UBA3: variants seen among roughly 807,000 people sequenced by gnomAD.
UBA3 encodes the protein ubiquitin like modifier activating enzyme 3, also known as NEDD8-activating enzyme E1 catalytic subunit.
In UBA3, 26 loss-of-function variants were observed where a neutral mutation model predicts 73.5. That is an observed-to-expected ratio of 0.35 (90% CI 0.26 to 0.49). UBA3 has a LOEUF of 0.49. Ranked by LOEUF, UBA3 falls within the 20% of genes least tolerant of loss-of-function variation. The pLI, the probability that UBA3 is intolerant of heterozygous loss-of-function variation, is 0.98. For missense variants in UBA3, 495 were observed against 555.6 expected, an observed-to-expected ratio of 0.89 and a Z score of 1.10; for synonymous variants, 217 against 191.2, an observed-to-expected ratio of 1.13 and a Z score of -1.11.
At chr3:69,062,340 G>A (rs570846544) in intron 9 of UBA3, among the ~76,000 whole-genome samples, 161 bp from the exon 10 acceptor site, 1 of 152,308 alleles carries the variant, frequency 6.6e-6, no homozygotes, top group Non-Finnish European at 1.5e-5. Context: ...CAGATTAACT[G>A]AGTCACTTCA....
At chr3:69,080,294 C>T in intron 1 of UBA3, 40 bp downstream of exon 1, 2 of 1,602,564 alleles carry the variant, frequency 1.2e-6, no homozygotes, top group African/African-American at 2.7e-5. Context: ...CTCTCACAAC[C>T]CAGCCCAGCC....
At chr3:69,065,221 G>GC (rs1559643693) in intron 6 of UBA3, among the ~76,000 whole-genome samples, 1 of 151,794 alleles carries the variant, frequency 6.6e-6, no homozygotes, top group Non-Finnish European at 1.5e-5. Context: ...CAAACTGAGT[G>GC]CCCCCCACTA....
In UBA3 at chr3:69,061,934, A is replaced by G. The variant is rs2092025239; in HGVS notation, c.797-7T>C. The G allele has an allele frequency of 2.7e-6, 2 of 745,420 alleles. No homozygotes were observed. The highest frequency in any genetic ancestry group is 1.9e-5 in the African/African-American group (1 of 53,070). 46.2% of individuals were successfully genotyped at this position (745,420 alleles called of 1,614,324 possible). A position where few individuals can be genotyped will look rare whatever the true frequency, so the allele number is the denominator to read the frequency against. On this transcript the variant is annotated splice_polypyrimidine_tract_variant and splice_region_variant and intron_variant, in intron 10 of 17. Coordinates refer to ENST00000361055, the MANE Select transcript of UBA3 (RefSeq NM_003968.4). ...CCATCTAATGGAACCCCTTCTGTTT[A>G]AAAAAAAAAAGGGAGAGAGAGAGAG...
intron 11 of UBA3, 168 bp downstream of exon 11, chr3:69,061,646 T>G (rs1575832882): frequency 4.0e-6 from 2 of 499,568 alleles, no homozygotes; most frequent in East Asian, 6.1e-5. Context: ...TAAGATTCAA[T>G]AATTTTATTA....
chr3:69,079,747 G>T, intron 2 of UBA3: 1 of 278,190 alleles, frequency 3.6e-6, no homozygotes, highest in Non-Finnish European at 6.7e-6. Flanking sequence ...ACGGTCTTGT[G>T]TCCTTTTCCT....
intron 6 of UBA3, among the ~76,000 whole-genome samples, chr3:69,065,359 A>T (rs1159381019): frequency 6.6e-6 from 1 of 152,094 alleles, no homozygotes; most frequent in Non-Finnish European, 1.5e-5. Flanking sequence ...GGTACCATGC[A>T]CCTTTCCCAG....
At position 69,061,831 on chromosome 3, in the gene UBA3, G is replaced by GT; in HGVS notation, c.892dup (p.Thr298AsnfsTer3). ...TGACTTACCTTGAGTGAGCCTATAC[G>GT]TAACACCCCTAATATTATATTGTGA... On this transcript the variant is annotated frameshift_variant, in exon 11 of 18. Coordinates refer to ENST00000361055, the MANE Select transcript of UBA3 (RefSeq NM_003968.4). LOFTEE classifies it high-confidence loss of function. 1 of 1,603,476 alleles carries GT rather than the reference G, an allele frequency of 6.2e-7. No individual in the cohort carries two copies. Among genetic ancestry groups the GT allele is most frequent in the Non-Finnish European group, 8.5e-7 (1 of 1,175,378 alleles).
At chr3:69,073,117 G>A (rs2107498153) in intron 4 of UBA3, among the ~76,000 whole-genome samples, 1 of 152,188 alleles carries the variant, frequency 6.6e-6, no homozygotes, top group African/African-American at 2.4e-5. Flanking sequence ...AGTAACCTAG[G>A]TGAAAAGCCA....
Position 69,061,839 on chromosome 3 carries a change from C to G in UBA3, c.885G>C (p.Arg295Ser). 1 of 1,608,010 alleles carries G rather than the reference C, an allele frequency of 6.2e-7. No homozygotes were observed. The highest frequency in any genetic ancestry group is 8.5e-7 in the Non-Finnish European group (1 of 1,177,448). Reference sequence around the variant, plus strand: ...CTTGAGTGAGCCTATACGTAACACCCCTAATATTATATTGTGATGCTCTCT... The same window carrying G: ...CTTGAGTGAGCCTATACGTAACACCGCTAATATTATATTGTGATGCTCTCT... ...SLERASQYNI[R>S]GVTYRLTQGV... Residue 295 changes from arginine (R) to serine (S), a missense_variant, in exon 11 of 18, where the codon AGG (arginine) becomes AGC (serine). Physicochemically the swap from Arg to Ser is moderately radical, Grantham distance 110 (BLOSUM62 -1). Transcript: ENST00000361055.
rs1043626584 is a variant in UBA3, at chr3:69,055,340, C to A, written c.*97G>T. On this transcript the variant is annotated 3_prime_UTR_variant, in exon 18 of 18. Coordinates refer to ENST00000361055, the MANE Select transcript of UBA3 (RefSeq NM_003968.4). ...GTTCATTATATAAAAAAAGACAAAT[C>A]GTGGCAACACTATTGCTAAAAATGA... 2 of 741,492 alleles carry A rather than the reference C, an allele frequency of 2.7e-6. No individual in the cohort carries two copies. The highest frequency in any genetic ancestry group is 4.1e-6 in the Non-Finnish European group (2 of 492,654). The allele number at this position is 741,492 out of a possible 1,614,324, so 45.9% of individuals were successfully genotyped here. A position where few individuals can be genotyped will look rare whatever the true frequency, so the allele number is the denominator to read the frequency against.
chr3:69,071,705 A>ATTG, intron 4 of UBA3, 88 bp from the exon 5 acceptor site: 1 of 753,312 alleles, frequency 1.3e-6, no homozygotes, highest in Non-Finnish European at 2.1e-6. Context: ...TTAAGTCTAC[A>ATTG]AATTCTCAGT....
At chr3:69,072,978 C>G (rs1017850305) in intron 4 of UBA3, among the ~76,000 whole-genome samples, 1 of 152,204 alleles carries the variant, frequency 6.6e-6, no homozygotes, top group African/African-American at 2.4e-5. Context: ...CCTGTCACCA[C>G]ATCCAATGCT....
intron 15 of UBA3, 22 bp downstream of exon 15, chr3:69,056,138 CACAAAAATGATTTTTACAACATA>C: frequency 1.3e-6 from 2 of 1,557,902 alleles, no homozygotes; most frequent in Non-Finnish European, 1.7e-6. Flanking sequence ...TTTCAAAAAT[CACAAAAATGATTTTTACAACATA>C]ACAAAAATCT....
intron 2 of UBA3, 47 bp downstream of exon 2, chr3:69,080,065 G>T: frequency 1.3e-6 from 2 of 1,582,444 alleles, no homozygotes; most frequent in Non-Finnish European, 1.7e-6. Context: ...GGGGTGGGGG[G>T]AGGCGGGGGT....
intron 11 of UBA3, among the ~76,000 whole-genome samples, chr3:69,059,615 G>C (rs1261977313): frequency 6.6e-6 from 1 of 152,138 alleles, no homozygotes; most frequent in African/African-American, 2.4e-5. Context: ...GAAGAACTTG[G>C]TGTGTTCAAG....
chr3:69,071,516 CTAAGA>C lies in UBA3; in HGVS notation c.347+14_347+18del. ...ATCAGAGCTTAAAAAAAGAAAACCG[CTAAGA>C]TATTAAAACTTACCTAAATAAAAAC... is the stretch of plus-strand genomic sequence containing the variant. On this transcript the variant is annotated intron_variant, in intron 5 of 17. Coordinates refer to ENST00000361055, the MANE Select transcript of UBA3 (RefSeq NM_003968.4). 7.3e-7 allele frequency: 1 copy of C among 1,365,256 alleles called. No homozygotes were observed. Among genetic ancestry groups the C allele is most frequent in the Non-Finnish European group, 1.0e-6 (1 of 989,890 alleles). 84.6% of individuals were successfully genotyped at this position (1,365,256 alleles called of 1,614,324 possible). A position where few individuals can be genotyped will look rare whatever the true frequency, so the allele number is the denominator to read the frequency against.
chr3:69,056,709 G>A lies in UBA3; in HGVS notation c.1002-16C>T. ...AATGTATGCACTGTAATGAAAAAATGTTCATCTTTATATAATTAAACCAAG... is the reference window on the plus strand; with the variant it reads ...AATGTATGCACTGTAATGAAAAAATATTCATCTTTATATAATTAAACCAAG... On this transcript the variant is annotated splice_polypyrimidine_tract_variant and intron_variant, in intron 13 of 17. Transcript: ENST00000361055. The A allele has an allele frequency of 3.1e-6, 5 of 1,611,484 alleles. No individual in the cohort carries two copies. The South Asian group carries it at 5.5e-5, about 18-fold the overall frequency.
chr3:69,064,080 T>G lies in UBA3; in HGVS notation c.460A>C (p.Thr154Pro). 13 of 1,603,258 alleles carry G rather than the reference T, an allele frequency of 8.1e-6. No homozygotes were observed. Among genetic ancestry groups the G allele is most frequent in the Non-Finnish European group, 1.0e-5 (12 of 1,176,196 alleles). The change falls in exon 7 of 18, where the codon ACT (threonine) becomes CCT (proline). Residue 154 changes from threonine (T) to proline (P), a missense_variant. Transcript: ENST00000361055. The part of the protein sequence containing the change: ...HFNKIQDFND[T>P]FYRQFHIIVC... ...GTAAAAAACTTACGTCGATAGAAAGTGTCGTTAAAATCTTGAATCTTGTTG... is the reference window on the plus strand; with the variant it reads ...GTAAAAAACTTACGTCGATAGAAAGGGTCGTTAAAATCTTGAATCTTGTTG...
intron 6 of UBA3, among the ~76,000 whole-genome samples, chr3:69,066,243 T>A (rs2092070475): frequency 6.6e-6 from 1 of 152,024 alleles, no homozygotes; most frequent in Admixed American, 6.6e-5. Context: ...CACAGCCTAC[T>A]ATAGCTTCAA....
Sources: allele counts gnomAD v4.1 joint callset (sites outside exome capture counted in the v4.1 genomes callset), GRCh38; gene constraint gnomAD v4.1.1; transcripts MANE v1.5; gene names NCBI Gene and HGNC (gene_info 2026-07-23, HGNC 2026-07-21).